Variants in IL1RAPL1 observed in about 807,000 individuals in gnomAD.
The protein encoded by IL1RAPL1 is interleukin-1 receptor accessory protein-like 1.
A neutral mutation model predicts 48.4 loss-of-function variants in IL1RAPL1; 3 were observed. That is an observed-to-expected ratio of 0.06 (90% CI 0.03 to 0.16). The LOEUF (loss-of-function observed/expected upper bound fraction) is 0.16, where lower values mean the gene tolerates loss of function less well. Ranked by LOEUF, IL1RAPL1 falls within the 10% of genes least tolerant of loss-of-function variation. The pLI is 1.00. For missense variants in IL1RAPL1, 349 were observed against 530.6 expected (o/e 0.66, Z 3.36); for synonymous variants, 185 against 187.7 (o/e 0.99, Z 0.12).
chrX:29,853,503 C>T (rs922588516), intron 6 of IL1RAPL1, among the ~76,000 whole-genome samples: 2 of 110,691 alleles, frequency 1.8e-5, no homozygotes, highest in Non-Finnish European at 3.8e-5. Context: ...AAACAAAAGC[C>T]CTGTCTCTCC....
intron 6 of IL1RAPL1, among the ~76,000 whole-genome samples, chrX:29,723,167 T>G (rs1336467819): frequency 8.9e-6 from 1 of 112,603 alleles, no homozygotes; most frequent in Non-Finnish European, 1.9e-5. Context: ...ACTTGTACAT[T>G]CCCTATGATT....
chrX:29,582,729 T>G (rs1267447591), intron 5 of IL1RAPL1, among the ~76,000 whole-genome samples: 1 of 51,452 alleles, frequency 1.9e-5, no homozygotes, highest in Non-Finnish European at 3.6e-5. Context: ...GAACTCATCA[T>G]TTTTTATGGC....
chrX:29,802,832 T>TATATGTAC (rs1929985021), intron 6 of IL1RAPL1, among the ~76,000 whole-genome samples: 1 of 76,126 alleles, frequency 1.3e-5, no homozygotes, highest in Non-Finnish European at 2.4e-5. Context: ...TATGTATACA[T>TATATGTAC]ATATGTATAC....
At chrX:29,309,105 A>G (rs1932668629) in intron 3 of IL1RAPL1, among the ~76,000 whole-genome samples, 1 of 112,515 alleles carries the variant, frequency 8.9e-6, no homozygotes, top group Non-Finnish European at 1.9e-5. Flanking sequence ...ATCTTATTCT[A>G]TCTCTTTTAG....
intron 5 of IL1RAPL1, among the ~76,000 whole-genome samples, chrX:29,597,735 T>A (rs1198403082): frequency 8.9e-6 from 1 of 111,809 alleles, no homozygotes; most frequent in Non-Finnish European, 1.9e-5. Context: ...CTGTTTGGAG[T>A]TTCTTTATCT....
chrX:28,987,305 T>A (rs977424231), intron 2 of IL1RAPL1, among the ~76,000 whole-genome samples: 1 of 112,203 alleles, frequency 8.9e-6, no homozygotes, highest in Non-Finnish European at 1.9e-5. Context: ...TGGGAGAAGT[T>A]ACTGTGGGAA....
intron 3 of IL1RAPL1, among the ~76,000 whole-genome samples, chrX:29,344,795 G>A (rs1933129095): frequency 9.0e-6 from 1 of 111,660 alleles, no homozygotes; most frequent in African/African-American, 3.3e-5. Context: ...ATGCCACCAC[G>A]CCCAGCTAAT....
At chrX:28,619,559 A>T (rs1312407075) in intron 1 of IL1RAPL1, among the ~76,000 whole-genome samples, 2 of 103,886 alleles carry the variant, frequency 1.9e-5, no homozygotes, top group Non-Finnish European at 3.9e-5. Flanking sequence ...GTGGGCTGAG[A>T]TCACGACACT....
At chrX:28,635,880 A>G (rs995783305) in intron 1 of IL1RAPL1, among the ~76,000 whole-genome samples, 9 of 111,762 alleles carry the variant, frequency 8.1e-5, no homozygotes, top group African/African-American at 2.9e-4. Flanking sequence ...CTTATTTTTC[A>G]TATTACATAG....
chrX:28,600,135 T>A lies in IL1RAPL1; in HGVS notation c.-25+12088T>A, dbSNP rs1203901884. ...ATTTGGAGTCTCTGACAAGATCGTA[T>A]TTTTTCTCTCACCCCTTGAGGCATG... is the stretch of plus-strand genomic sequence containing the variant. On this transcript the variant is annotated intron_variant, in intron 1 of 10. Coordinates refer to ENST00000378993, the MANE Select transcript of IL1RAPL1 (RefSeq NM_014271.4). Among the ~76,000 whole-genome samples the A allele has an allele frequency of 4.5e-5, 5 of 112,021 alleles. No individual in the cohort carries two copies. In the South Asian group the frequency reaches 1.9e-3, roughly 42 times the overall value.
chrX:29,300,564 T>C (rs1932518013), intron 3 of IL1RAPL1, among the ~76,000 whole-genome samples: 1 of 112,192 alleles, frequency 8.9e-6, no homozygotes, highest in Non-Finnish European at 1.9e-5. Flanking sequence ...ATTCCTCTGC[T>C]GTGATCTTCA....
chrX:29,055,775 T>C (rs1408884555), intron 2 of IL1RAPL1, among the ~76,000 whole-genome samples: 1 of 112,127 alleles, frequency 8.9e-6, no homozygotes, highest in African/African-American at 3.2e-5. Flanking sequence ...AAAGATTCAT[T>C]GTTTTGTATA....
chrX:28,955,796 G>GT (rs1294890888), intron 2 of IL1RAPL1, among the ~76,000 whole-genome samples: 5 of 87,875 alleles, frequency 5.7e-5, no homozygotes, highest in African/African-American at 2.4e-4. Flanking sequence ...CTTTAAAGTA[G>GT]TTTTTTCCAA....
At chrX:29,313,821 A>T (rs1355993008) in intron 3 of IL1RAPL1, among the ~76,000 whole-genome samples, 1 of 112,136 alleles carries the variant, frequency 8.9e-6, no homozygotes, top group Non-Finnish European at 1.9e-5. Context: ...GATGAAGTTT[A>T]TCCATTCATA....
At chrX:29,601,276 C>T (rs983869965) in intron 5 of IL1RAPL1, among the ~76,000 whole-genome samples, 1 of 111,990 alleles carries the variant, frequency 8.9e-6, no homozygotes, top group African/African-American at 3.2e-5. Flanking sequence ...TTTAGTAGTA[C>T]GTCAACTTAA....
chrX:28,824,653 A>G (rs1936973001), intron 2 of IL1RAPL1, among the ~76,000 whole-genome samples: 3 of 111,381 alleles, frequency 2.7e-5, no homozygotes, highest in Admixed American at 9.6e-5. Context: ...GATGTTTTGT[A>G]CATCAAAGTA....
At chrX:29,362,565 T>C (rs747466671) in intron 3 of IL1RAPL1, among the ~76,000 whole-genome samples, 1 of 111,685 alleles carries the variant, frequency 9.0e-6, no homozygotes, top group Non-Finnish European at 1.9e-5. Context: ...TACTTTGAAG[T>C]AGGCTATGTG....
chrX:29,421,711 A>C (rs1167478329), intron 5 of IL1RAPL1, among the ~76,000 whole-genome samples: 1 of 111,866 alleles, frequency 8.9e-6, no homozygotes, highest in Non-Finnish European at 1.9e-5. Flanking sequence ...ATTATCCATA[A>C]TAGTACAATA....
intron 2 of IL1RAPL1, among the ~76,000 whole-genome samples, chrX:29,083,434 C>T (rs920647574): frequency 1.8e-5 from 2 of 111,779 alleles, no homozygotes; most frequent in African/African-American, 6.5e-5. Context: ...TCTAATAAAT[C>T]CTGAAACACA....
Sources: gnomAD v4.1 joint callset for allele counts (sites outside exome capture counted in the v4.1 genomes callset) on GRCh38, gnomAD v4.1.1 for gene constraint, MANE v1.5 for transcripts, NCBI Gene and HGNC (gene_info 2026-07-23, HGNC 2026-07-21) for gene names.